TMCO5A: variants seen among roughly 807,000 people sequenced by gnomAD.
TMCO5A encodes transmembrane and coiled-coil domains 5A.
In TMCO5A, 34 loss-of-function variants were observed where a neutral mutation model predicts 42.3. That is an observed-to-expected ratio of 0.80 (90% CI 0.61 to 1.07). The LOEUF (loss-of-function observed/expected upper bound fraction) is 1.07. TMCO5A is among the 50% of genes least tolerant of loss of function. TMCO5A has a pLI of 0.00. For synonymous variants in TMCO5A, 131 were observed against 115.6 expected, an observed-to-expected ratio of 1.13 and a Z score of -0.86; for missense variants, 357 against 327.9, an observed-to-expected ratio of 1.09 and a Z score of -0.69.
At chr15:38,019,328 G>T in the TMCO5A span, among the ~76,000 whole-genome samples, 1 of 152,168 alleles carries the variant, frequency 6.6e-6, no homozygotes, top group Non-Finnish European at 1.5e-5. Flanking sequence ...TCAATCTCAA[G>T]TAACAAGGAA....
intron 11 of TMCO5A, among the ~76,000 whole-genome samples, chr15:37,961,069 T>C (rs185701755): frequency 6.6e-6 from 1 of 152,226 alleles, no homozygotes; most frequent in Admixed American, 6.5e-5. Flanking sequence ...TTTATCTTTG[T>C]TTTTATTGCA....
chr15:38,013,185 C>T, the TMCO5A span, among the ~76,000 whole-genome samples: 1 of 152,062 alleles, frequency 6.6e-6, no homozygotes, highest in African/African-American at 2.4e-5. Flanking sequence ...CAGAAGCCAC[C>T]CACAAAGATG....
At chr15:38,022,970 G>A in the TMCO5A span, among the ~76,000 whole-genome samples, 10 of 152,006 alleles carry the variant, frequency 6.6e-5, no homozygotes, top group Non-Finnish European at 4.4e-5. Context: ...ACACTCAATT[G>A]TATAAAATAA....
rs555069663 is a variant in TMCO5A at position 37,938,130 on chromosome 15, T to G, written c.316-28T>G. 3.2e-6 allele frequency: 5 copies of G among 1,539,232 alleles called. No individual in the cohort carries two copies. In the Middle Eastern group the frequency reaches 6.8e-4, roughly 208 times the overall value. ...GTCTTTGCCTTCTACACCTTTTAAT[T>G]TAGTATATTTTTTATTTGAAACTAT... On this transcript the variant is annotated intron_variant, in intron 5 of 11. Coordinates refer to ENST00000319669, the MANE Select transcript of TMCO5A (RefSeq NM_152453.4).
At chr15:38,004,119 G>A in the TMCO5A span, among the ~76,000 whole-genome samples, 2 of 152,158 alleles carry the variant, frequency 1.3e-5, no homozygotes, top group Non-Finnish European at 2.9e-5. Context: ...TAATCAGTAG[G>A]TGATAAATTC....
chr15:37,961,748 C>T (rs1175278008), intron 11 of TMCO5A, among the ~76,000 whole-genome samples: 3 of 151,980 alleles, frequency 2.0e-5, no homozygotes, highest in African/African-American at 7.2e-5. Context: ...AGGTCTTTCA[C>T]CTCCTTGTTT....
At chr15:38,013,019 G>A in the TMCO5A span, among the ~76,000 whole-genome samples, 1 of 152,150 alleles carries the variant, frequency 6.6e-6, no homozygotes, top group Non-Finnish European at 1.5e-5. Flanking sequence ...CAGCCTGTAG[G>A]ATAGGAGAGA....
the TMCO5A span, among the ~76,000 whole-genome samples, chr15:38,029,016 A>C: frequency 3.3e-5 from 5 of 152,202 alleles, no homozygotes; most frequent in Non-Finnish European, 7.3e-5. Context: ...GGAGCTTGGG[A>C]TTCTAGAGAA....
At chr15:37,998,574 C>T in the TMCO5A span, among the ~76,000 whole-genome samples, 5 of 152,030 alleles carry the variant, frequency 3.3e-5, no homozygotes, top group African/African-American at 1.2e-4. Context: ...GTTTTTATGC[C>T]AGTATCATAT....
chr15:38,038,411 T>C, the TMCO5A span, among the ~76,000 whole-genome samples: 3 of 151,702 alleles, frequency 2.0e-5, no homozygotes, highest in Non-Finnish European at 4.4e-5. Flanking sequence ...AATTTCTTTT[T>C]TTTTTTTTTT....
chr15:37,948,883 AG>A (rs1353423066), intron 11 of TMCO5A, among the ~76,000 whole-genome samples: 2 of 152,040 alleles, frequency 1.3e-5, no homozygotes, highest in Non-Finnish European at 2.9e-5. Context: ...AGATGTGTCA[AG>A]GGCTTCTGAT....
downstream of TMCO5A, among the ~76,000 whole-genome samples, chr15:37,953,572 T>C (rs1488443678): frequency 6.6e-6 from 1 of 151,998 alleles, no homozygotes; most frequent in Non-Finnish European, 1.5e-5. Flanking sequence ...CTTTTGAATA[T>C]CTGGAAGGCC....
chr15:37,973,729 T>C, the TMCO5A span, among the ~76,000 whole-genome samples: 6 of 152,324 alleles, frequency 3.9e-5, no homozygotes, highest in Admixed American at 3.9e-4. Flanking sequence ...TAGTTTGACT[T>C]CCTCTCTTCC....
At chr15:37,939,410 A>G (rs918535082) in intron 6 of TMCO5A, among the ~76,000 whole-genome samples, 3 of 152,126 alleles carry the variant, frequency 2.0e-5, no homozygotes, top group African/African-American at 7.2e-5. Context: ...TGGAGCCAAA[A>G]TTAGGAAGAG....
intron 11 of TMCO5A, among the ~76,000 whole-genome samples, chr15:37,962,757 G>T (rs1209715286): frequency 1.3e-5 from 2 of 152,008 alleles, no homozygotes; most frequent in Non-Finnish European, 2.9e-5. Flanking sequence ...ATTCTTCCCA[G>T]TTTAAGCTAG....
At chr15:38,024,463 T>C in the TMCO5A span, among the ~76,000 whole-genome samples, 1 of 152,206 alleles carries the variant, frequency 6.6e-6, no homozygotes, top group African/African-American at 2.4e-5. Context: ...ACTCACCCTG[T>C]TCCATTTTCC....
chr15:37,989,601 A>C, the TMCO5A span, among the ~76,000 whole-genome samples: 1 of 151,926 alleles, frequency 6.6e-6, no homozygotes, highest in Admixed American at 6.6e-5. Context: ...TGAATTTTCC[A>C]ATTTTCTCTC....
chr15:37,941,303 T>C, intron 7 of TMCO5A, 98 bp downstream of exon 7: 3 of 1,266,828 alleles, frequency 2.4e-6, no homozygotes, highest in Non-Finnish European at 3.4e-6. Context: ...ACATTAAGGT[T>C]CCAGATCCAA....
the TMCO5A span, chr15:38,020,631 A>G: frequency 2.6e-5 from 4 of 152,204 alleles, no homozygotes; most frequent in Non-Finnish European, 5.9e-5. Flanking sequence ...ATTCAAAATA[A>G]TTTGGTGATG....
Sources: gnomAD v4.1 joint callset for allele counts (sites outside exome capture counted in the v4.1 genomes callset) on GRCh38, gnomAD v4.1.1 for gene constraint, MANE v1.5 for transcripts, NCBI Gene and HGNC (gene_info 2026-07-23, HGNC 2026-07-21) for gene names.